The following HDAC9 variants were observed in gnomAD, a reference collection of about 807,000 sequenced individuals.
HDAC9 encodes histone deacetylase 9.
Under a neutral mutation model 139.4 loss-of-function variants are expected in HDAC9, and 41 were observed. The ratio of observed to expected loss-of-function variants is 0.29; its 90% CI spans 0.23 to 0.38. HDAC9 has a LOEUF of 0.38. Among genes scored for constraint, HDAC9 ranks in the 10% least tolerant of loss-of-function variants. The probability of loss-of-function intolerance (pLI) is 1.00; values close to 1 mark genes in which losing one functional copy is unlikely to be tolerated. For synonymous variants in HDAC9, 517 were observed against 476.2 expected (o/e 1.09, Z -1.12); for missense variants, 1,147 against 1,297.0 (o/e 0.88, Z 1.78).
chr7:18,525,044 G>A (rs187122032), intron 2 of HDAC9, among the ~76,000 whole-genome samples: 2 of 151,918 alleles, frequency 1.3e-5, no homozygotes, highest in East Asian at 1.9e-4. Context: ...AATAGTAATG[G>A]ATTTAATTTT....
intron 2 of HDAC9, among the ~76,000 whole-genome samples, chr7:18,559,059 A>G (rs1435489863): frequency 6.6e-6 from 1 of 152,082 alleles, no homozygotes; most frequent in Non-Finnish European, 1.5e-5. Context: ...TTTCTGGTGG[A>G]TGCTTACCCA....
At chr7:18,229,886 A>T (rs760483213) in intron 2 of HDAC9, among the ~76,000 whole-genome samples, 1 of 152,298 alleles carries the variant, frequency 6.6e-6, no homozygotes, top group African/African-American at 2.4e-5. Context: ...CCAGAAGCCT[A>T]TTTACTAATT....
At chr7:18,750,694 C>A (rs143402520) in intron 14 of HDAC9, among the ~76,000 whole-genome samples, 1 of 152,204 alleles carries the variant, frequency 6.6e-6, no homozygotes, top group Admixed American at 6.5e-5. Flanking sequence ...AGTTTGGAGG[C>A]CAAACCATTC....
rs374112043 is a variant in HDAC9, at chr7:18,748,840, C to A, written c.1910-165C>A. On this transcript the variant is annotated intron_variant, in intron 13 of 25. Transcript: ENST00000686413. ...AGTAAATATCCAGATAGACAGGTCT[C>A]AATAGTTCTTATGTGCTCCTGAGAA... Among the ~76,000 whole-genome samples the A allele has an allele frequency of 2.4e-3, 359 of 152,244 alleles. 1 individual carries two copies. Among genetic ancestry groups the A allele is most frequent in the African/African-American group, 8.6e-3 (356 of 41,540 alleles).
chr7:18,124,904 T>TC lies in HDAC9; in HGVS notation c.-96-37325_-96-37324insC, dbSNP rs1308766598. Among the ~76,000 whole-genome samples the TC allele has an allele frequency of 5.3e-5, 8 of 151,922 alleles. No individual in the cohort carries two copies. The South Asian group carries it at 1.0e-3, about 20-fold the overall frequency. ...GTTTTTCTTTCTTTCTTTTTCTTTTTTTTTTTTTAACATTGTTAGCAACAG... is the reference window on the plus strand; with the variant it reads ...GTTTTTCTTTCTTTCTTTTTCTTTTTCTTTTTTTTAACATTGTTAGCAACAG... On this transcript the variant is annotated intron_variant, in intron 1 of 12. Coordinates refer to the HDAC9 transcript ENST00000417496.
At chr7:18,448,310 C>T (rs1792485069) in intron 1 of HDAC9, among the ~76,000 whole-genome samples, 1 of 152,120 alleles carries the variant, frequency 6.6e-6, no homozygotes, top group South Asian at 2.1e-4. Context: ...GAAAGGAGAG[C>T]AACGTTCAAT....
At position 18,647,987 on chromosome 7, in the gene HDAC9, T is replaced by G. The variant is rs1293158326; in HGVS notation, c.1238T>G (p.Leu413Arg). The G allele has an allele frequency of 6.2e-7, 1 of 1,607,240 alleles. No homozygotes were observed. The highest frequency in any genetic ancestry group is 8.5e-7 in the Non-Finnish European group (1 of 1,176,528). ...AAAGAACAAATGCGACAGCAAAAGC[T>G]TCTTGTAGCTGGTAATTCATTATGG... ...LLKEQMRQQK[L>R]LVAGGVPLHP... The change falls in exon 10 of 26, where the codon CTT (leucine) becomes CGT (arginine). Residue 413 changes from leucine (L) to arginine (R), a missense_variant. Leu to Arg is a moderately radical substitution (Grantham distance 102). Coordinates refer to ENST00000686413, the MANE Select transcript of HDAC9 (RefSeq NM_178425.4).
chr7:18,563,418 A>G (rs1479082085), intron 2 of HDAC9, among the ~76,000 whole-genome samples: 3 of 151,848 alleles, frequency 2.0e-5, no homozygotes, highest in East Asian at 1.9e-4. Context: ...TTCAATGGTT[A>G]TGTTTTTGTT....
At chr7:18,816,462 A>G (rs956623513) in intron 17 of HDAC9, among the ~76,000 whole-genome samples, 1 of 152,232 alleles carries the variant, frequency 6.6e-6, no homozygotes, top group Non-Finnish European at 1.5e-5. Flanking sequence ...GATGAACTGT[A>G]TCATATTCAT....
chr7:18,289,792 T>C (rs1797693032), upstream of HDAC9, among the ~76,000 whole-genome samples: 1 of 152,204 alleles, frequency 6.6e-6, no homozygotes, highest in Non-Finnish European at 1.5e-5. Context: ...CAGCCTCTTC[T>C]TTTTCCTCTC....
intron 1 of HDAC9, among the ~76,000 whole-genome samples, chr7:18,473,263 A>G (rs1460224645): frequency 1.3e-5 from 2 of 152,208 alleles, no homozygotes; most frequent in African/African-American, 4.8e-5. Context: ...TCAGCAGAGA[A>G]TTTTGTCAGG....
chr7:18,662,504 A>G (rs941409791), intron 11 of HDAC9, among the ~76,000 whole-genome samples: 1 of 151,998 alleles, frequency 6.6e-6, no homozygotes, highest in African/African-American at 2.4e-5. Context: ...GATCTGTGTG[A>G]TGGAGGACAC....
At chr7:18,774,085 C>T (rs887314781) in intron 16 of HDAC9, among the ~76,000 whole-genome samples, 8 of 151,930 alleles carry the variant, frequency 5.3e-5, no homozygotes, top group Admixed American at 1.3e-4. Context: ...AGGATTTAAT[C>T]ATTCCCCAAC....
At chr7:18,180,539 G>A (rs1173827617) in intron 2 of HDAC9, among the ~76,000 whole-genome samples, 2 of 152,052 alleles carry the variant, frequency 1.3e-5, no homozygotes, top group Non-Finnish European at 2.9e-5. Flanking sequence ...ATCAAAGAGT[G>A]TCAGAACTCA....
intron 2 of HDAC9, among the ~76,000 whole-genome samples, chr7:18,178,642 G>C (rs529219245): frequency 6.6e-6 from 1 of 152,310 alleles, no homozygotes; most frequent in East Asian, 1.9e-4. Flanking sequence ...GTTAAGAATA[G>C]TGGAAAGAGT....
chr7:18,400,620 G>C (rs997218003), intron 1 of HDAC9, among the ~76,000 whole-genome samples: 1 of 152,186 alleles, frequency 6.6e-6, no homozygotes. Flanking sequence ...GGGAGCAGAT[G>C]CTGAAAAGTG....
intron 25 of HDAC9, among the ~76,000 whole-genome samples, chr7:18,990,820 G>T (rs181672273): frequency 6.6e-6 from 1 of 152,216 alleles, no homozygotes. Context: ...TCCAGGTGCC[G>T]TCTGTCACCC....
chr7:18,849,895 T>C (rs754529770), intron 21 of HDAC9, among the ~76,000 whole-genome samples: 39 of 152,116 alleles, frequency 2.6e-4, no homozygotes, highest in Non-Finnish European at 5.3e-4. Flanking sequence ...TTTCCAAAGA[T>C]AACATTTGTA....
chr7:18,449,868 A>G (rs1562999346), intron 1 of HDAC9, among the ~76,000 whole-genome samples: 1 of 152,188 alleles, frequency 6.6e-6, no homozygotes, highest in Non-Finnish European at 1.5e-5. Context: ...TCTCCAATTT[A>G]TACCTCTGCT....
Sources: allele counts gnomAD v4.1 joint callset (sites outside exome capture counted in the v4.1 genomes callset), GRCh38; gene constraint gnomAD v4.1.1; transcripts MANE v1.5; gene names NCBI Gene and HGNC (gene_info 2026-07-23, HGNC 2026-07-21).